Variants in CDC42BPB observed in about 807,000 individuals in gnomAD.
CDC42BPB encodes serine/threonine-protein kinase MRCK beta.
In CDC42BPB, 37 loss-of-function variants were observed where a neutral mutation model predicts 214.9. That is an observed-to-expected ratio of 0.17 (90% CI 0.13 to 0.23). CDC42BPB has a LOEUF of 0.23. Among genes scored for constraint, CDC42BPB ranks in the 10% least tolerant of loss-of-function variants. CDC42BPB has a pLI of 1.00. For missense variants in CDC42BPB, 1,694 were observed against 2,227.0 expected (o/e 0.76, Z 4.82); for synonymous variants, 931 against 884.0 (o/e 1.05, Z -0.94).
chr14:102,947,491 G>A (rs1276544099), intron 27 of CDC42BPB, among the ~76,000 whole-genome samples: 1 of 152,166 alleles, frequency 6.6e-6, no homozygotes, highest in Non-Finnish European at 1.5e-5. Context: ...GAGAAGGGAG[G>A]GTCAGTGAAG....
rs144481533 is a variant in CDC42BPB at position 102,965,833 on chromosome 14, G to A, written c.2577+449C>T. On this transcript the variant is annotated intron_variant, in intron 18 of 36. Coordinates refer to ENST00000361246, the MANE Select transcript of CDC42BPB (RefSeq NM_006035.4). Reference sequence around the variant, plus strand: ...GAGCCAGGTGTAGCGGCACACGCCTGTAATCCCAGCTACTCGGGGGGGCTG... The same window carrying A: ...GAGCCAGGTGTAGCGGCACACGCCTATAATCCCAGCTACTCGGGGGGGCTG... Among the ~76,000 whole-genome samples, 1,143 of 152,314 alleles carry A rather than the reference G, an allele frequency of 7.5e-3. 18 individuals carry two copies. Among genetic ancestry groups the A allele is most frequent in the African/African-American group, 0.026 (1,087 of 41,570 alleles).
At chr14:103,028,682 T>C (rs1349168267) in intron 1 of CDC42BPB, among the ~76,000 whole-genome samples, 1 of 152,242 alleles carries the variant, frequency 6.6e-6, no homozygotes, top group African/African-American at 2.4e-5. Context: ...CAGAAGGTTC[T>C]TCCTACGTCA....
At chr14:103,005,667 C>A (rs1393091587) in intron 3 of CDC42BPB, among the ~76,000 whole-genome samples, 1 of 152,090 alleles carries the variant, frequency 6.6e-6, no homozygotes, top group African/African-American at 2.4e-5. Flanking sequence ...CCAGCCTGTA[C>A]AACAGAGTAA....
At chr14:103,034,119 T>C (rs927809584) in intron 1 of CDC42BPB, among the ~76,000 whole-genome samples, 11 of 152,368 alleles carry the variant, frequency 7.2e-5, no homozygotes, top group Middle Eastern at 3.4e-3. Context: ...GCGACTCTCT[T>C]ACTGTTAAAA....
At chr14:102,991,746 G>A (rs1385458101) in intron 5 of CDC42BPB, among the ~76,000 whole-genome samples, 4 of 152,106 alleles carry the variant, frequency 2.6e-5, no homozygotes, top group Admixed American at 6.5e-5. Context: ...TTTTTGTACC[G>A]TTCTTGCAAC....
intron 1 of CDC42BPB, among the ~76,000 whole-genome samples, chr14:103,054,537 G>A (rs969956736): frequency 1.6e-4 from 24 of 152,196 alleles, no homozygotes; most frequent in East Asian, 5.8e-4. Context: ...CTTTCCAATC[G>A]AAACAACCAG....
chr14:102,953,068 C>T (rs576025306), intron 23 of CDC42BPB, among the ~76,000 whole-genome samples: 7 of 152,366 alleles, frequency 4.6e-5, no homozygotes, highest in South Asian at 4.1e-4. Flanking sequence ...GAAAGGCTCA[C>T]GGTCCCTCAT....
intron 12 of CDC42BPB, among the ~76,000 whole-genome samples, chr14:102,972,647 C>A (rs985883159): frequency 8.4e-6 from 1 of 119,508 alleles, no homozygotes; most frequent in Non-Finnish European, 1.7e-5. Context: ...CGAGATTGTG[C>A]CACTGCACTC....
chr14:102,958,669 A>G (rs913456388), intron 21 of CDC42BPB, among the ~76,000 whole-genome samples: 7 of 151,918 alleles, frequency 4.6e-5, no homozygotes, highest in African/African-American at 1.5e-4. Context: ...TCCCAAGTAG[A>G]TGACCAGCGG....
In CDC42BPB at chr14:103,008,139, G is replaced by A. The variant is rs36001710; in HGVS notation, c.351+333C>T. Among the ~76,000 whole-genome samples, 559 of 152,354 alleles carry A rather than the reference G, an allele frequency of 3.7e-3. 2 individuals are homozygous for A. The highest frequency in any genetic ancestry group is 0.013 in the African/African-American group (524 of 41,576). ...TTCTGTATGTGAGCAGGGTCCAAAC[G>A]TGTTAATTCCTTTTGTGTATGGAGC... On this transcript the variant is annotated intron_variant, in intron 3 of 36. Transcript: ENST00000361246.
intron 5 of CDC42BPB, among the ~76,000 whole-genome samples, chr14:102,987,747 A>T (rs1004166663): frequency 3.3e-5 from 5 of 151,806 alleles, no homozygotes; most frequent in Admixed American, 1.3e-4. Context: ...AACATTCAGG[A>T]ATACGAAAAA....
intron 1 of CDC42BPB, among the ~76,000 whole-genome samples, chr14:103,018,013 G>T (rs537334494): frequency 3.9e-5 from 6 of 152,224 alleles, no homozygotes; most frequent in South Asian, 2.1e-4. Flanking sequence ...AGACCCGTAG[G>T]GGGGTGGAGG....
intron 5 of CDC42BPB, among the ~76,000 whole-genome samples, chr14:102,997,391 T>C (rs547275869): frequency 1.1e-3 from 163 of 152,248 alleles, no homozygotes; most frequent in Non-Finnish European, 1.6e-3. Context: ...CAGCCACCAC[T>C]GGAGGACACG....
chr14:103,030,697 A>G (rs1020168339), intron 1 of CDC42BPB, among the ~76,000 whole-genome samples: 2 of 151,964 alleles, frequency 1.3e-5, no homozygotes, highest in Non-Finnish European at 2.9e-5. Context: ...CTCCATCTCA[A>G]AAAAAAGTGT....
At chr14:102,954,758 G>A in intron 21 of CDC42BPB, 70 bp from the exon 22 acceptor site, 1 of 1,539,090 alleles carries the variant, frequency 6.5e-7, no homozygotes, top group Admixed American at 1.9e-5. Flanking sequence ...CTACTTACAA[G>A]TTCTTTACTA....
intron 16 of CDC42BPB, among the ~76,000 whole-genome samples, chr14:102,967,691 C>A (rs566816897): frequency 2.2e-4 from 34 of 151,512 alleles, no homozygotes; most frequent in African/African-American, 8.0e-4. Context: ...TATCTCAACA[C>A]AGAAGAGGTA....
intron 12 of CDC42BPB, among the ~76,000 whole-genome samples, chr14:102,973,676 C>T (rs770506250): frequency 5.3e-5 from 8 of 151,156 alleles, no homozygotes; most frequent in African/African-American, 1.2e-4. Context: ...CATGCCCTAT[C>T]GACATCTTTC....
rs943165271 is a variant in CDC42BPB at position 103,004,874 on chromosome 14, G to GA, written c.352-852dup. 3.2e-4 allele frequency among the ~76,000 whole-genome samples: 47 copies of GA among 146,330 alleles called. No individual in the cohort carries two copies. Among genetic ancestry groups the GA allele is most frequent in the Non-Finnish European group, 4.5e-4 (30 of 66,134 alleles). ...ACAGAGCCAGACTCCATCTCAAAAA[G>GA]AAAAAAAAAATGGCTGGTCACGGTG... On this transcript the variant is annotated intron_variant, in intron 3 of 36. Coordinates refer to ENST00000361246, the MANE Select transcript of CDC42BPB (RefSeq NM_006035.4). The surrounding 1 kb of genome is among the most constrained non-coding windows in gnomAD (Gnocchi z 5.3).
chr14:103,054,599 C>T (rs1888836208), intron 1 of CDC42BPB, among the ~76,000 whole-genome samples: 1 of 152,218 alleles, frequency 6.6e-6, no homozygotes, highest in African/African-American at 2.4e-5. Flanking sequence ...ACTAGAAATA[C>T]ACCACTTTAG....
Sources: gnomAD v4.1 joint callset for allele counts (sites outside exome capture counted in the v4.1 genomes callset) on GRCh38, gnomAD v4.1.1 for gene constraint, Gnocchi (gnomAD v3.1) non-coding constraint, MANE v1.5 for transcripts, NCBI Gene and HGNC (gene_info 2026-07-23, HGNC 2026-07-21) for gene names.